STPG3: variants seen among roughly 807,000 people sequenced by gnomAD.
STPG3 encodes the protein sperm-tail PG-rich repeat containing 3.
STPG3 carries 39 observed loss-of-function variants against 32.5 expected under a neutral mutation model. That is an observed-to-expected ratio of 1.20 (90% confidence interval 0.93 to 1.57). STPG3 has a LOEUF of 1.57. Ranked by LOEUF, STPG3 falls within the 40% of genes most tolerant of loss-of-function variation. The pLI is 0.00. For synonymous variants in STPG3, 209 were observed against 172.4 expected (o/e 1.21, Z -1.66); for missense variants, 507 against 407.6 (o/e 1.24, Z -2.10).
In STPG3 at chr9:137,252,055, G is replaced by T. The variant is rs371624796; in HGVS notation, c.323G>T (p.Arg108Met). 5.6e-6 allele frequency: 9 copies of T among 1,612,984 alleles called. No individual in the cohort carries two copies. The African/African-American group carries it at 6.7e-5, about 12-fold the overall frequency. The change falls in exon 3 of 6, where the codon AGG becomes ATG. Residue 108 changes from arginine (R) to methionine (M), a missense_variant. By Grantham distance (91) the Arg-to-Met change is moderately conservative (BLOSUM62 -1). Transcript: ENST00000412566. Reference sequence around the variant, plus strand: ...GACCTGGAAGTCCCCAGCCCCACCAGGTACCAGGTGCCGAGCCCGTCCGTA... The same window carrying T: ...GACCTGGAAGTCCCCAGCCCCACCATGTACCAGGTGCCGAGCCCGTCCGTA... ...TADLEVPSPT[R>M]YQVPSPSVRE...
Position 137,251,757 on chromosome 9 carries a change from T to C in STPG3, c.130T>C (p.Leu44=), listed in dbSNP as rs778549492. Residue 44 remains leucine, a synonymous_variant, in exon 2 of 6, where the codon TTG becomes CTG. Coordinates refer to ENST00000412566, the MANE Select transcript of STPG3 (RefSeq NM_001004353.4). ...EPTQPKASVL[L]LGPEPGMAWD... is the part of the protein sequence containing the mutation. ...TTGCAGGCCCAAGGCATCTGTGCTG[T>C]TGTTGGGCCCGGAGCCGGGGATGGC... is the stretch of plus-strand genomic sequence containing the variant. 1.5e-5 allele frequency: 23 copies of C among 1,575,972 alleles called. No homozygotes were observed. The highest frequency in any genetic ancestry group is 2.0e-5 in the Non-Finnish European group (23 of 1,161,950).
At chr9:137,252,295 GAGGGCT>G (rs1837376673) in intron 3 of STPG3, 136 bp from the exon 4 acceptor site, 1 of 1,323,112 alleles carries the variant, frequency 7.6e-7, no homozygotes. Context: ...CTGGAGAGAG[GAGGGCT>G]AGGGCTGGGG....
Position 137,251,736 on chromosome 9 carries a change from A to G in STPG3, c.111-2A>G, listed in dbSNP as rs1225714594. On this transcript the variant is annotated splice_acceptor_variant, in intron 1 of 5. Transcript: ENST00000412566. LOFTEE classifies it high-confidence loss of function. ...GACAGTGGCTGCTGGTCTCCCTTGC[A>G]GGCCCAAGGCATCTGTGCTGTTGTT... 1.3e-6 allele frequency: 2 copies of G among 1,561,772 alleles called. No individual in the cohort carries two copies. Among genetic ancestry groups the G allele is most frequent in the African/African-American group, 2.7e-5 (2 of 73,536 alleles).
chr9:137,252,545 G>A lies in STPG3; in HGVS notation c.492+20G>A. 1 of 1,561,068 alleles carries A rather than the reference G, an allele frequency of 6.4e-7. No homozygotes were observed. Among genetic ancestry groups the A allele is most frequent in the Non-Finnish European group, 8.7e-7 (1 of 1,151,856 alleles). On this transcript the variant is annotated intron_variant, in intron 4 of 5. Coordinates refer to ENST00000412566, the MANE Select transcript of STPG3 (RefSeq NM_001004353.4). ...CAAAAGGTTGGGGGCTGGGCAGGAA[G>A]GGGGCGGGGAGTCCACGCAGGCAGG...
chr9:137,252,761 A>G lies in STPG3; in HGVS notation c.592A>G (p.Thr198Ala), dbSNP rs1179424537. Residue 198 changes from threonine to alanine, a missense_variant, in exon 5 of 6, where the codon ACC becomes GCC. Transcript: ENST00000412566. Reference sequence around the variant, plus strand: ...CGCTTCCAAGACACCTGAAGGCCACACCCACCTAGGGCTGCCTGGGGCTAG... The same window carrying G: ...CGCTTCCAAGACACCTGAAGGCCACGCCCACCTAGGGCTGCCTGGGGCTAG... The part of the protein sequence containing the change: ...HSASKTPEGH[T>A]HLGLPGARGL... The G allele has an allele frequency of 7.0e-6, 11 of 1,560,988 alleles. No individual in the cohort carries two copies. In the Middle Eastern group the frequency reaches 5.0e-4, roughly 71 times the overall value.
In STPG3 at chr9:137,252,414, C is replaced by T. The variant is rs775277318; in HGVS notation, c.404-23C>T. On this transcript the variant is annotated intron_variant, in intron 3 of 5. Transcript: ENST00000412566. The stretch of plus-strand genomic sequence containing the variant: ...ACCTGGGTGGGGCTCCCAGCCTTCT[C>T]TCTCTCCATCCTCCAACTACAGAGG... 6 of 1,603,842 alleles carry T rather than the reference C, an allele frequency of 3.7e-6. No individual in the cohort carries two copies. The Admixed American group carries it at 5.1e-5, about 14-fold the overall frequency.
rs763763256 is a variant in STPG3 at position 137,252,932 on chromosome 9, C to T, written c.763C>T (p.Arg255Cys). The change falls in exon 5 of 6, where the codon CGC becomes TGC. Residue 255 changes from arginine (R) to cysteine (C), a missense_variant. By Grantham distance (180) the Arg-to-Cys change is radical. Coordinates refer to ENST00000412566, the MANE Select transcript of STPG3 (RefSeq NM_001004353.4). ...SPRSPAFSMS[R>C]SPAFTSWLST... is the part of the protein sequence containing the mutation. ...CCGCTCGCCGGCCTTCTCGATGAGC[C>T]GCTCCCCTGCGTTCACCTCCTGGCT... 17 of 1,600,212 alleles carry T rather than the reference C, an allele frequency of 1.1e-5. No individual in the cohort carries two copies. Among genetic ancestry groups the T allele is most frequent in the African/African-American group, 6.7e-5 (5 of 74,642 alleles).
chr9:137,251,713 C>A, intron 1 of STPG3, 25 bp from the exon 2 acceptor site: 1 of 1,552,848 alleles, frequency 6.4e-7, no homozygotes, highest in Non-Finnish European at 8.7e-7. Flanking sequence ...GGGGCTGAGA[C>A]AGTGGCTGCT....
At position 137,252,953 on chromosome 9, in the gene STPG3, T is replaced by C; in HGVS notation, c.784T>C (p.Trp262Arg). The C allele has an allele frequency of 6.3e-7, 1 of 1,593,886 alleles. No homozygotes were observed. The highest frequency in any genetic ancestry group is 8.5e-7 in the Non-Finnish European group (1 of 1,170,880). The change falls in exon 5 of 6, where the codon TGG becomes CGG. Residue 262 changes from tryptophan to arginine, a missense_variant. Transcript: ENST00000412566. ...SMSRSPAFTS[W>R]LSTSRTPGPA... ...GAGCCGCTCCCCTGCGTTCACCTCC[T>C]GGCTCAGCACCTGTAAGGAGGCCTG...
chr9:137,253,451 C>G lies in STPG3; in HGVS notation c.*206C>G. 1 of 1,437,164 alleles carries G rather than the reference C, an allele frequency of 7.0e-7. No homozygotes were observed. The highest frequency in any genetic ancestry group is 2.5e-5 in the East Asian group (1 of 39,752). 89.0% of individuals were successfully genotyped at this position (1,437,164 alleles called of 1,614,324 possible). A position where few individuals can be genotyped will look rare whatever the true frequency, so the allele number is the denominator to read the frequency against. ...CCTGGATCCCCCATCTGCCCATCTC[C>G]CCGCTACACTGAGATGCTGTTGGTT... On this transcript the variant is annotated 3_prime_UTR_variant, in exon 6 of 6. Transcript: ENST00000412566.
In STPG3 at chr9:137,251,603, A is replaced by G. The variant is rs1286339288; in HGVS notation, c.111-135A>G. The G allele has an allele frequency of 2.6e-6, 3 of 1,160,706 alleles. No individual in the cohort carries two copies. The African/African-American group carries it at 4.8e-5, about 19-fold the overall frequency. The allele number at this position is 1,160,706 out of a possible 1,614,324, so 71.9% of individuals were successfully genotyped here. A position where few individuals can be genotyped will look rare whatever the true frequency, so the allele number is the denominator to read the frequency against. On this transcript the variant is annotated intron_variant, in intron 1 of 5. Coordinates refer to ENST00000412566, the MANE Select transcript of STPG3 (RefSeq NM_001004353.4). ...GCTGGGAGCGGCCAGGGGCTGAGGG[A>G]CAGTGTGGGGACAGGCTGTGGGGCA... is the stretch of plus-strand genomic sequence containing the variant.
Position 137,251,822 on chromosome 9 carries a change from A to C in STPG3, c.195A>C (p.Pro65=). ...ETQPPKMKEI[P]VGLRLQTGTP... The stretch of plus-strand genomic sequence containing the variant: ...AGCCCCCAAAGATGAAGGAGATCCC[A>C]GTTGGCCTCAGGTTACAGACGGGCA... Residue 65 remains proline, a synonymous_variant, in exon 2 of 6, where the codon CCA becomes CCC. Coordinates refer to ENST00000412566, the MANE Select transcript of STPG3 (RefSeq NM_001004353.4). 6.2e-7 allele frequency: 1 copy of C among 1,604,800 alleles called. No individual in the cohort carries two copies. Among genetic ancestry groups the C allele is most frequent in the South Asian group, 1.1e-5 (1 of 89,308 alleles).
In STPG3 at chr9:137,253,266, C is replaced by G. The variant is rs1203119538; in HGVS notation, c.*21C>G. ...TCTAGAGCCAGCTGGGCACAACCTGCTTGGCCCGGCCACCGAGTGGAACCA... is the reference window on the plus strand; with the variant it reads ...TCTAGAGCCAGCTGGGCACAACCTGGTTGGCCCGGCCACCGAGTGGAACCA... On this transcript the variant is annotated 3_prime_UTR_variant, in exon 6 of 6. Transcript: ENST00000412566. The G allele has an allele frequency of 6.3e-7, 1 of 1,595,904 alleles. No individual in the cohort carries two copies. The highest frequency in any genetic ancestry group is 1.7e-5 in the Admixed American group (1 of 57,632).
Position 137,251,854 on chromosome 9 carries a change from A to T in STPG3, c.227A>T (p.Gln76Leu), listed in dbSNP as rs778818957. Reference sequence around the variant, plus strand: ...CTCAGGTTACAGACGGGCACCCCCCAGGAGTCCCTGCCCACCTACACCCAG... The same window carrying T: ...CTCAGGTTACAGACGGGCACCCCCCTGGAGTCCCTGCCCACCTACACCCAG... ...VGLRLQTGTP[Q>L]ESLPTYTQTL... Residue 76 changes from glutamine (Q) to leucine (L), a missense_variant, in exon 2 of 6, where the codon CAG becomes CTG. Gln to Leu is a moderately radical substitution (Grantham distance 113). Transcript: ENST00000412566. 1.2e-6 allele frequency: 2 copies of T among 1,608,282 alleles called. No individual in the cohort carries two copies. The highest frequency in any genetic ancestry group is 1.3e-5 in the African/African-American group (1 of 74,876).
intron 1 of STPG3, 62 bp from the exon 2 acceptor site, chr9:137,251,676 T>G: frequency 6.6e-7 from 1 of 1,525,158 alleles, no homozygotes; most frequent in Non-Finnish European, 8.8e-7. Flanking sequence ...GGGGACAGGC[T>G]GTGGGGCATG....
chr9:137,251,466 G>A (rs1223862537), intron 1 of STPG3, 70 bp downstream of exon 1: 1 of 1,257,940 alleles, frequency 7.9e-7, no homozygotes, highest in East Asian at 2.3e-5. Flanking sequence ...GACAGTGTGG[G>A]GGGCAGGTTG....
Position 137,253,435 on chromosome 9 carries a change from C to T in STPG3, c.*190C>T. On this transcript the variant is annotated 3_prime_UTR_variant, in exon 6 of 6. Coordinates refer to ENST00000412566, the MANE Select transcript of STPG3 (RefSeq NM_001004353.4). ...GACAAGGCTGGCCCAGCCTGGATCC[C>T]CCATCTGCCCATCTCCCCGCTACAC... 1.4e-6 allele frequency: 2 copies of T among 1,441,308 alleles called. No homozygotes were observed. The highest frequency in any genetic ancestry group is 2.9e-5 in the South Asian group (2 of 68,772). 89.3% of individuals were successfully genotyped at this position (1,441,308 alleles called of 1,614,324 possible). A position where few individuals can be genotyped will look rare whatever the true frequency, so the allele number is the denominator to read the frequency against.
At chr9:137,253,048 G>T in intron 5 of STPG3, 67 bp from the exon 6 acceptor site, 1 of 710,718 alleles carries the variant, frequency 1.4e-6, no homozygotes, top group South Asian at 1.5e-5. Flanking sequence ...CCGGGGGTGG[G>T]AACTGGGAGC....
chr9:137,252,996 GA>G (rs1564438908), intron 5 of STPG3, 31 bp downstream of exon 5: 1 of 1,571,050 alleles, frequency 6.4e-7, no homozygotes, highest in Admixed American at 1.8e-5. Flanking sequence ...GAGGGCTAGG[GA>G]TGGGGCATGG....
Sources: gnomAD v4.1 joint callset for allele counts on GRCh38, gnomAD v4.1.1 for gene constraint, MANE v1.5 for transcripts, NCBI Gene and HGNC (gene_info 2026-07-23, HGNC 2026-07-21) for gene names.